The following RPH3AL variants were observed in gnomAD, a reference collection of about 807,000 sequenced individuals.
RPH3AL encodes the protein rab effector Noc2.
RPH3AL carries 38 observed loss-of-function variants against 43.1 expected under a neutral mutation model. The observed-to-expected ratio is 0.88, with a 90% CI of 0.68 to 1.15. The LOEUF (loss-of-function observed/expected upper bound fraction) is 1.15. Ranked by LOEUF, RPH3AL falls within the 50% of genes most tolerant of loss-of-function variation. The pLI, the probability that RPH3AL is intolerant of heterozygous loss-of-function variation, is 0.00. For synonymous variants in RPH3AL, 189 were observed against 176.3 expected (o/e 1.07, Z -0.57); for missense variants, 462 against 423.2 (o/e 1.09, Z -0.81).
chr17:318,533 AGCTGT>A (rs1195272935), intron 5 of RPH3AL, among the ~76,000 whole-genome samples: 1 of 152,226 alleles, frequency 6.6e-6, no homozygotes, highest in Non-Finnish European at 1.5e-5. Context: ...CCGTTATAAT[AGCTGT>A]GCAGCTACCA....
chr17:243,307 TCTA>T (rs1354531523), intron 7 of RPH3AL, among the ~76,000 whole-genome samples: 10 of 140,568 alleles, frequency 7.1e-5, no homozygotes, highest in Non-Finnish European at 6.2e-5. Context: ...TTACCTTTCC[TCTA>T]CTGATTACCT....
At chr17:258,142 C>G (rs1262751873) in intron 6 of RPH3AL, among the ~76,000 whole-genome samples, 2 of 152,240 alleles carry the variant, frequency 1.3e-5, no homozygotes, top group African/African-American at 2.4e-5. Context: ...GTTTTGTCGT[C>G]TGTTCATAGG....
In RPH3AL at chr17:264,002, A is replaced by T. The variant is rs2042261065; in HGVS notation, c.439-16717T>A. Among the ~76,000 whole-genome samples the T allele has an allele frequency of 6.6e-6, 1 of 152,152 alleles. No individual in the cohort carries two copies. Among genetic ancestry groups the T allele is most frequent in the Non-Finnish European group, 1.5e-5 (1 of 68,020 alleles). ...AAGGGCCTGAGGGTATCGTGCTGTTAGCGGACGCGATGCTGCTTTCCAAGA... is the reference window on the plus strand; with the variant it reads ...AAGGGCCTGAGGGTATCGTGCTGTTTGCGGACGCGATGCTGCTTTCCAAGA... On this transcript the variant is annotated intron_variant, in intron 6 of 9. Coordinates refer to ENST00000331302, the MANE Select transcript of RPH3AL (RefSeq NM_006987.4). This position sits in a 1 kb window ranked among gnomAD's most constrained non-coding sequence, Gnocchi z 4.8.
At chr17:269,007 T>C (rs2042392694) in intron 6 of RPH3AL, among the ~76,000 whole-genome samples, 1 of 151,978 alleles carries the variant, frequency 6.6e-6, no homozygotes, top group Non-Finnish European at 1.5e-5. Context: ...GCCTCCCGAG[T>C]AGCTGGGACT....
chr17:238,382 T>C (rs1009938967), intron 7 of RPH3AL, among the ~76,000 whole-genome samples: 1 of 152,068 alleles, frequency 6.6e-6, no homozygotes, highest in African/African-American at 2.4e-5. Context: ...AGGGCAGACC[T>C]AGGCAGCGGT....
intron 7 of RPH3AL, among the ~76,000 whole-genome samples, chr17:238,645 G>A (rs536019270): frequency 2.6e-5 from 4 of 152,198 alleles, no homozygotes; most frequent in Admixed American, 2.0e-4. Flanking sequence ...AACCGAAGCC[G>A]TGGCTCCTTC....
intron 3 of RPH3AL, 92 bp from the exon 4 acceptor site, chr17:321,507 T>C (rs1409831336): frequency 2.2e-6 from 3 of 1,372,342 alleles, no homozygotes; most frequent in African/African-American, 3.1e-5. Flanking sequence ...CCGAGAACAG[T>C]CAGTGGACGG....
At chr17:222,433 G>T (rs951136648) in intron 7 of RPH3AL, among the ~76,000 whole-genome samples, 6 of 152,176 alleles carry the variant, frequency 3.9e-5, no homozygotes, top group African/African-American at 1.4e-4. Flanking sequence ...TCACAAATGC[G>T]GAAGGGAACC....
chr17:278,094 C>T (rs2042696570), intron 6 of RPH3AL, among the ~76,000 whole-genome samples: 1 of 152,160 alleles, frequency 6.6e-6, no homozygotes, highest in Admixed American at 6.5e-5. Flanking sequence ...TCATCTTGAA[C>T]TGCAGCTCCC....
At chr17:331,819 G>A in intron 2 of RPH3AL, 1 of 1,289,180 alleles carries the variant, frequency 7.8e-7, no homozygotes, top group South Asian at 1.2e-5. Flanking sequence ...GAAAACTCCA[G>A]AGAGCAGTGC....
chr17:325,016 G>A (rs989771201), intron 3 of RPH3AL, among the ~76,000 whole-genome samples: 2 of 152,050 alleles, frequency 1.3e-5, no homozygotes, highest in Admixed American at 6.5e-5. Flanking sequence ...GTGCCAACAC[G>A]ACCGGCTAAT....
intron 5 of RPH3AL, among the ~76,000 whole-genome samples, chr17:294,417 G>A (rs1221958138): frequency 2.0e-5 from 3 of 152,240 alleles, no homozygotes; most frequent in Non-Finnish European, 4.4e-5. Context: ...TTGCACCACA[G>A]CACTGCAGCC....
intron 1 of RPH3AL, among the ~76,000 whole-genome samples, chr17:350,943 A>G (rs1421605241): frequency 6.6e-6 from 1 of 152,126 alleles, no homozygotes; most frequent in African/African-American, 2.4e-5. Context: ...ATTCCAGAAC[A>G]TTCCATGATA....
rs566183338 is a variant in RPH3AL, at chr17:270,324, C to A, written c.438+11444G>T. Among the ~76,000 whole-genome samples, 3 of 152,328 alleles carry A rather than the reference C, an allele frequency of 2.0e-5. No individual in the cohort carries two copies. The South Asian group carries it at 6.2e-4, about 32-fold the overall frequency. On this transcript the variant is annotated intron_variant, in intron 6 of 9. Coordinates refer to ENST00000331302, the MANE Select transcript of RPH3AL (RefSeq NM_006987.4). ...GCATGGAGAAACAGATGGCAGCTTG[C>A]GGTGAGCACAGGCCGCCTGCCCGGG... is the stretch of plus-strand genomic sequence containing the variant.
At chr17:332,279 CGT>C in intron 2 of RPH3AL, 6 of 255,704 alleles carry the variant, frequency 2.3e-5, no homozygotes, top group South Asian at 1.5e-4. Context: ...GAAGGAGGAG[CGT>C]GTGTGTGTGC....
intron 7 of RPH3AL, among the ~76,000 whole-genome samples, chr17:220,270 G>A (rs1597872434): frequency 1.3e-5 from 2 of 150,528 alleles, no homozygotes; most frequent in South Asian, 4.2e-4. Flanking sequence ...ATAGACCCAA[G>A]AACAACAGCT....
intron 6 of RPH3AL, among the ~76,000 whole-genome samples, chr17:277,435 A>C (rs2042679919): frequency 6.6e-6 from 1 of 152,246 alleles, no homozygotes; most frequent in East Asian, 1.9e-4. Context: ...AAATGTAGAG[A>C]GTAGATGTTA....
intron 6 of RPH3AL, among the ~76,000 whole-genome samples, chr17:252,021 G>A (rs940022007): frequency 3.3e-5 from 5 of 151,194 alleles, no homozygotes; most frequent in African/African-American, 7.3e-5. Context: ...CACCCAGGAC[G>A]GAGTGCAGTG....
rs1015755538 is a variant in RPH3AL, at chr17:322,157, C to G, written c.78-742G>C. On this transcript the variant is annotated intron_variant, in intron 3 of 9. Transcript: ENST00000331302. This position sits in a 1 kb window ranked among gnomAD's most constrained non-coding sequence, Gnocchi z 4.0. ...GGCGAGGCAGGGCTGGGACTGGGTC[C>G]GGAGGTTGAGCTGTCTCTGCTCCAC... The G allele has an allele frequency of 2.0e-5, 3 of 152,294 alleles. No homozygotes were observed. Among genetic ancestry groups the G allele is most frequent in the Non-Finnish European group, 4.4e-5 (3 of 68,146 alleles). The allele number at this position is 152,294 out of a possible 1,614,324, so 9.4% of individuals were successfully genotyped here.
Sources: allele counts gnomAD v4.1 joint callset (sites outside exome capture counted in the v4.1 genomes callset), GRCh38; gene constraint gnomAD v4.1.1; non-coding constraint Gnocchi (gnomAD v3.1); transcripts MANE v1.5; gene names NCBI Gene and HGNC (gene_info 2026-07-23, HGNC 2026-07-21).